Variants in ATP1A4 observed in about 807,000 individuals in gnomAD.
The protein encoded by ATP1A4 is sodium/potassium-transporting ATPase subunit alpha-4.
In ATP1A4, 90 loss-of-function variants were observed where a neutral mutation model predicts 114.3. That is an observed-to-expected ratio of 0.79 (90% CI 0.66 to 0.94). ATP1A4 has a LOEUF of 0.94. ATP1A4 is among the 40% of genes least tolerant of loss of function. The pLI is 0.00. For synonymous variants in ATP1A4, 511 were observed against 494.1 expected, an observed-to-expected ratio of 1.03 and a Z score of -0.45; for missense variants, 1,222 against 1,313.6, an observed-to-expected ratio of 0.93 and a Z score of 1.08.
At position 160,174,595 on chromosome 1, in the gene ATP1A4, T is replaced by C. The variant is rs968146847; in HGVS notation, c.2159T>C (p.Val720Ala). Residue 720 changes from valine (V) to alanine (A), a missense_variant, in exon 15 of 22, where the codon GTG (valine) becomes GCG (alanine). Physicochemically the swap from Val to Ala is moderately conservative, Grantham distance 64 (BLOSUM62 0). Transcript: ENST00000368081. ...GCQRLGAVVA[V>A]TGDGVNDSPA... ...CTTCCTCAGGGAGCCGTTGTGGCCG[T>C]GACAGGTGACGGGGTGAACGACTCC... 1.2e-6 allele frequency: 2 copies of C among 1,613,982 alleles called. No homozygotes were observed. The highest frequency in any genetic ancestry group is 1.7e-5 in the Admixed American group (1 of 60,022).
Position 160,186,086 on chromosome 1 carries a change from CAAAA to C in ATP1A4, c.2970-171_2970-168del, listed in dbSNP as rs527303426. On this transcript the variant is annotated intron_variant, in intron 20 of 21. Transcript: ENST00000368081. ...TGGGCAACAGAACAAGACTCTGTCG[CAAAA>C]AAAAAAAAAAAAAAAAAAGGGATCA... Among the ~76,000 whole-genome samples, 38 of 32,786 alleles carry C rather than the reference CAAAA, an allele frequency of 1.2e-3. 2 individuals are homozygous for C. Among genetic ancestry groups the C allele is most frequent in the East Asian group, 3.8e-3 (3 of 788 alleles). The allele number at this position is 32,786 out of a possible 152,430, so 21.5% of individuals were successfully genotyped here.
Position 160,167,093 on chromosome 1 carries a change from G to T in ATP1A4, c.1356+16G>T. 6.2e-7 allele frequency: 1 copy of T among 1,611,778 alleles called. No homozygotes were observed. Among genetic ancestry groups the T allele is most frequent in the Non-Finnish European group, 8.5e-7 (1 of 1,177,952 alleles). ...CATTGCTAAGGTGTCAGGCCCAAGG[G>T]GAAGAGGGTACCTCAGTGTCCAGGG... On this transcript the variant is annotated intron_variant, in intron 9 of 21. Coordinates refer to ENST00000368081, the MANE Select transcript of ATP1A4 (RefSeq NM_144699.4).
chr1:160,161,245 C>T (rs1346739524), intron 6 of ATP1A4, among the ~76,000 whole-genome samples: 2 of 152,190 alleles, frequency 1.3e-5, no homozygotes, highest in East Asian at 1.9e-4. Context: ...TTAACCTTTG[C>T]CTTAGACCAA....
At chr1:160,174,938 C>T (rs570031527) in intron 15 of ATP1A4, among the ~76,000 whole-genome samples, 191 bp downstream of exon 15, 1 of 152,284 alleles carries the variant, frequency 6.6e-6, no homozygotes, top group East Asian at 1.9e-4. Flanking sequence ...TCTGCAACCC[C>T]TTTTGATGAG....
chr1:160,159,238 T>C lies in ATP1A4; in HGVS notation c.660+102T>C, dbSNP rs111652056. The C allele has an allele frequency of 3.3e-6, 5 of 1,495,730 alleles. No homozygotes were observed. The African/African-American group carries it at 7.0e-5, about 21-fold the overall frequency. The allele number at this position is 1,495,730 out of a possible 1,614,324, so 92.7% of individuals were successfully genotyped here. A position where few individuals can be genotyped will look rare whatever the true frequency, so the allele number is the denominator to read the frequency against. ...AAGTATAAGCTTATTACTCAGAATC[T>C]TGAGAAGTTACAAGTGCAGATTTGA... is the stretch of plus-strand genomic sequence containing the variant. On this transcript the variant is annotated intron_variant, in intron 5 of 21. Transcript: ENST00000368081.
chr1:160,176,549 A>T lies in ATP1A4; in HGVS notation c.2537A>T (p.Lys846Met), dbSNP rs1175388453. ...DIMKRLPRNP[K>M]TDNLVNHRLI... ...ATGAAGAGGCTTCCAAGGAACCCAA[A>T]GACGGATAATCTGGTGAACCACCGT... The change falls in exon 17 of 22, where the codon AAG becomes ATG. Residue 846 changes from lysine (K) to methionine (M), a missense_variant. Lys to Met is a moderately conservative substitution (Grantham distance 95, BLOSUM62 -1). Transcript: ENST00000368081. 1.9e-6 allele frequency: 3 copies of T among 1,614,056 alleles called. No homozygotes were observed. Among genetic ancestry groups the T allele is most frequent in the Non-Finnish European group, 2.5e-6 (3 of 1,180,040 alleles).
Position 160,184,426 on chromosome 1 carries a change from G to A in ATP1A4, c.2970-1850G>A, listed in dbSNP as rs570834493. On this transcript the variant is annotated intron_variant, in intron 20 of 21. Transcript: ENST00000368081. ...GCCAGGTGTAGCGGTGCACACTGAC[G>A]GTCCCAGCTACTCAGGAGGCTGAGG... 7.9e-5 allele frequency among the ~76,000 whole-genome samples: 12 copies of A among 152,014 alleles called. No individual in the cohort carries two copies. The South Asian group carries it at 1.7e-3, about 21-fold the overall frequency.
chr1:160,165,575 C>T (rs147598068), intron 7 of ATP1A4, among the ~76,000 whole-genome samples: 3,415 of 151,888 alleles, frequency 0.022, 57 homozygotes, highest in Non-Finnish European at 0.032. Context: ...CTGGCTAACA[C>T]GGTGAAACCC....
chr1:160,176,679 G>T, intron 17 of ATP1A4, 77 bp downstream of exon 17: 1 of 1,572,008 alleles, frequency 6.4e-7, no homozygotes, highest in South Asian at 1.1e-5. Flanking sequence ...ATCTCAGTTT[G>T]GAAGTCAGGG....
Position 160,173,594 on chromosome 1 carries a change from CAGG to C in ATP1A4, c.1871_1873del (p.Gly624del). On this transcript the variant is annotated inframe_deletion, in exon 13 of 22. Coordinates refer to ENST00000368081, the MANE Select transcript of ATP1A4 (RefSeq NM_144699.4). The stretch of plus-strand genomic sequence containing the variant: ...TTCCCAACCCAGGTGATCATGGTAA[CAGG>C]AGATCATCCCATTACAGCTAAGGCC... 2 of 1,614,086 alleles carry C rather than the reference CAGG, an allele frequency of 1.2e-6. No homozygotes were observed. The highest frequency in any genetic ancestry group is 2.2e-5 in the South Asian group (2 of 91,062).
chr1:160,179,006 T>G (rs1231524849), intron 18 of ATP1A4, among the ~76,000 whole-genome samples: 1 of 152,224 alleles, frequency 6.6e-6, no homozygotes, highest in East Asian at 1.9e-4. Flanking sequence ...TCTAGGAAGA[T>G]TCTGTAACTT....
intron 18 of ATP1A4, among the ~76,000 whole-genome samples, chr1:160,180,629 C>T (rs941581635): frequency 1.3e-4 from 20 of 150,320 alleles, no homozygotes; most frequent in Non-Finnish European, 1.8e-4. Context: ...CCCCTGTACT[C>T]ACATTGTCCT....
intron 17 of ATP1A4, 118 bp downstream of exon 17, chr1:160,176,720 G>A: frequency 7.2e-7 from 1 of 1,397,842 alleles, no homozygotes; most frequent in Non-Finnish European, 9.7e-7. Context: ...ACTGTGCTAG[G>A]CCCTGAAAAC....
intron 6 of ATP1A4, among the ~76,000 whole-genome samples, chr1:160,160,253 G>A (rs139742735): frequency 0.023 from 3,565 of 152,244 alleles, 128 homozygotes; most frequent in African/African-American, 0.081. Flanking sequence ...GTCTCTCTCT[G>A]TTGCTCAGGC....
chr1:160,151,817 G>A lies in ATP1A4; in HGVS notation c.-224G>A, dbSNP rs1053764152. ...CTGACTCTTCCTCTTCCCAGCGGAC[G>A]GCTGGAGGACCGCTCAGTCTCTCCT... is the stretch of plus-strand genomic sequence containing the variant. On this transcript the variant is annotated 5_prime_UTR_variant, in exon 1 of 22. Coordinates refer to ENST00000368081, the MANE Select transcript of ATP1A4 (RefSeq NM_144699.4). 1.7e-5 allele frequency: 8 copies of A among 474,392 alleles called. No individual in the cohort carries two copies. Among genetic ancestry groups the A allele is most frequent in the African/African-American group, 3.9e-5 (2 of 51,786 alleles). 29.4% of individuals were successfully genotyped at this position (474,392 alleles called of 1,614,324 possible). A position where few individuals can be genotyped will look rare whatever the true frequency, so the allele number is the denominator to read the frequency against.
chr1:160,167,226 A>T (rs1653073567), intron 9 of ATP1A4, 52 bp from the exon 10 acceptor site: 1 of 1,569,746 alleles, frequency 6.4e-7, no homozygotes, highest in Non-Finnish European at 8.6e-7. Context: ...GGTATGCCTC[A>T]TGCCCAGGTA....
chr1:160,182,116 T>C, intron 20 of ATP1A4, 85 bp downstream of exon 20: 2 of 1,154,408 alleles, frequency 1.7e-6, no homozygotes, highest in South Asian at 1.2e-5. Context: ...AGGATTGTCA[T>C]GAGCCAGGAG....
intron 20 of ATP1A4, among the ~76,000 whole-genome samples, 168 bp from the exon 21 acceptor site, chr1:160,186,108 A>G (rs1045123519): frequency 2.0e-5 from 3 of 148,934 alleles, no homozygotes; most frequent in African/African-American, 5.0e-5. Context: ...AAAAAAAAAA[A>G]GGGATCAACC....
At position 160,171,423 on chromosome 1, in the gene ATP1A4, TG is replaced by T. The variant is rs750272358; in HGVS notation, c.1669del (p.Glu557AsnfsTer4). On this transcript the variant is annotated frameshift_variant, in exon 11 of 22. Transcript: ENST00000368081. LOFTEE classifies it high-confidence loss of function. ...FQNAYLELGG[L>X]GERVLGFCFL... The stretch of plus-strand genomic sequence containing the variant: ...AATGCCTACTTAGAACTGGGAGGTC[TG>T]GGGGAACGTGTGCTAGGTGAGGAGC... 3.1e-6 allele frequency: 5 copies of T among 1,614,014 alleles called. No individual in the cohort carries two copies. Among genetic ancestry groups the T allele is most frequent in the Middle Eastern group, 3.3e-4 (2 of 6,060 alleles).
Sources: allele counts gnomAD v4.1 joint callset (sites outside exome capture counted in the v4.1 genomes callset), GRCh38; gene constraint gnomAD v4.1.1; transcripts MANE v1.5; gene names NCBI Gene and HGNC (gene_info 2026-07-23, HGNC 2026-07-21).